The following CCT4 variants were observed in gnomAD, a reference collection of about 807,000 sequenced individuals.
CCT4 encodes the protein chaperonin containing TCP1 subunit 4.
CCT4 carries 17 observed loss-of-function variants against 62.5 expected under a neutral mutation model. The observed-to-expected ratio is 0.27, with a 90% CI of 0.19 to 0.41. The LOEUF is 0.41. Among genes scored for constraint, CCT4 ranks in the 10% least tolerant of loss-of-function variants. CCT4 has a pLI of 1.00. For missense variants in CCT4, 592 were observed against 659.2 expected (o/e 0.90, Z 1.12); for synonymous variants, 250 against 229.9 (o/e 1.09, Z -0.79).
chr2:61,876,798 T>C (rs1669010272), intron 7 of CCT4, 122 bp downstream of exon 7: 3 of 785,778 alleles, frequency 3.8e-6, no homozygotes, highest in Non-Finnish European at 1.9e-6. Context: ...TTGTCTCAAT[T>C]CTAGTAAGTC....
chr2:61,873,084 A>C lies in CCT4; in HGVS notation c.1043T>G (p.Ile348Ser), dbSNP rs1440991956. Residue 348 changes from isoleucine to serine, a missense_variant, in exon 10 of 14, where the codon ATT (isoleucine) becomes AGT (serine). By Grantham distance (142) the Ile-to-Ser change is moderately radical. This residue lies in a region of CCT4 where 522 missense variants were observed against 571.2 expected (regional missense o/e 0.91). Transcript: ENST00000394440. ...CAGCATGTCAGCAGTAAATTGGTCA[A>C]TATGAGCAACTGGCTTGGTTCCAAT... ...KTIGTKPVAH[I>S]DQFTADMLGS... is the part of the protein sequence containing the mutation. 4 of 1,611,902 alleles carry C rather than the reference A, an allele frequency of 2.5e-6. No homozygotes were observed. The highest frequency in any genetic ancestry group is 3.4e-6 in the Non-Finnish European group (4 of 1,177,880).
At chr2:61,883,969 G>A (rs1669179507) in intron 2 of CCT4, among the ~76,000 whole-genome samples, 2 of 151,918 alleles carry the variant, frequency 1.3e-5, no homozygotes, top group South Asian at 4.1e-4. Flanking sequence ...TTCCTTTTTT[G>A]TCCTACAAAA....
intron 7 of CCT4, 91 bp from the exon 8 acceptor site, chr2:61,876,325 A>G (rs1002790554): frequency 1.1e-6 from 1 of 919,922 alleles, no homozygotes; most frequent in African/African-American, 1.7e-5. Flanking sequence ...TGTTGTATAA[A>G]TTCAACCAAA....
chr2:61,884,807 T>C (rs528435502), intron 2 of CCT4, among the ~76,000 whole-genome samples: 1 of 152,202 alleles, frequency 6.6e-6, no homozygotes, highest in East Asian at 1.9e-4. Flanking sequence ...TTTGTATTTT[T>C]AGTAGACATA....
At chr2:61,874,667 ATCTATGGAC>A (rs1403174426) in intron 8 of CCT4, among the ~76,000 whole-genome samples, 1 of 152,128 alleles carries the variant, frequency 6.6e-6, no homozygotes, top group African/African-American at 2.4e-5. Context: ...AATTCTTTTC[ATCTATGGAC>A]TATGCAGAGC....
chr2:61,869,730 T>G (rs1187443184), intron 12 of CCT4, among the ~76,000 whole-genome samples, 177 bp from the exon 13 acceptor site: 1 of 152,102 alleles, frequency 6.6e-6, no homozygotes, highest in African/African-American at 2.4e-5. Flanking sequence ...TCAATTAAAA[T>G]TTGGAAAAAC....
chr2:61,870,945 A>G (rs1270241734), intron 12 of CCT4, among the ~76,000 whole-genome samples: 1 of 140,010 alleles, frequency 7.1e-6, no homozygotes, highest in East Asian at 2.1e-4. Context: ...ACAAACAAAC[A>G]AAAAACACTT....
At chr2:61,879,559 T>C (rs1471512953) in intron 4 of CCT4, among the ~76,000 whole-genome samples, 1 of 151,516 alleles carries the variant, frequency 6.6e-6, no homozygotes, top group African/African-American at 2.4e-5. Flanking sequence ...ATTACAAGTA[T>C]GAGTCACCGC....
At position 61,888,576 on chromosome 2, in the gene CCT4, G is replaced by C; in HGVS notation, c.-69C>G. On this transcript the variant is annotated 5_prime_UTR_variant, in exon 1 of 14. Coordinates refer to ENST00000394440, the MANE Select transcript of CCT4 (RefSeq NM_006430.4). ...GACCCGGATTCTGGCCGGCCGCAGTGTAATAACGGTAAGCCCTCACTGCCT... is the reference window on the plus strand; with the variant it reads ...GACCCGGATTCTGGCCGGCCGCAGTCTAATAACGGTAAGCCCTCACTGCCT... 2 of 1,550,796 alleles carry C rather than the reference G, an allele frequency of 1.3e-6. No homozygotes were observed. The highest frequency in any genetic ancestry group is 1.7e-6 in the Non-Finnish European group (2 of 1,146,664).
intron 3 of CCT4, among the ~76,000 whole-genome samples, chr2:61,882,905 T>C (rs1424232251): frequency 1.3e-5 from 2 of 151,762 alleles, no homozygotes; most frequent in Admixed American, 1.3e-4. Context: ...TGGGCTCAAA[T>C]AATCCTCCCA....
Position 61,883,779 on chromosome 2 carries a change from C to G in CCT4, c.181-231G>C, listed in dbSNP as rs2421440. On this transcript the variant is annotated intron_variant, in intron 2 of 13. Transcript: ENST00000394440. Reference sequence around the variant, plus strand: ...CTAAAAGTGAAGAAATGTAGACACACACACACACACACACACACACACACA... The same window carrying G: ...CTAAAAGTGAAGAAATGTAGACACAGACACACACACACACACACACACACA... Among the ~76,000 whole-genome samples, 659 of 83,852 alleles carry G rather than the reference C, an allele frequency of 7.9e-3. 8 individuals carry two copies. The highest frequency in any genetic ancestry group is 0.02 in the African/African-American group (417 of 20,746). The allele number at this position is 83,852 out of a possible 152,430, so 55.0% of individuals were successfully genotyped here. A position where few individuals can be genotyped will look rare whatever the true frequency, so the allele number is the denominator to read the frequency against.
At chr2:61,883,416 CAAAAA>C (rs57068738) in intron 3 of CCT4, 38 bp downstream of exon 3, 1,202 of 710,436 alleles carry the variant, frequency 1.7e-3, no homozygotes, top group Middle Eastern at 2.5e-3. Context: ...GACTCTGTCT[CAAAAA>C]AAAAAAAAAA....
intron 2 of CCT4, among the ~76,000 whole-genome samples, chr2:61,884,049 C>A (rs1170948686): frequency 6.6e-6 from 1 of 151,828 alleles, no homozygotes; most frequent in Non-Finnish European, 1.5e-5. Context: ...ATAGTATCAT[C>A]CAGATGATCC....
chr2:61,870,753 T>A (rs1490802959), intron 12 of CCT4, among the ~76,000 whole-genome samples: 5 of 151,958 alleles, frequency 3.3e-5, no homozygotes, highest in African/African-American at 1.2e-4. Flanking sequence ...ACACCATATC[T>A]ACTAAAAAAT....
At chr2:61,873,895 C>T (rs1213097911) in intron 8 of CCT4, among the ~76,000 whole-genome samples, 2 of 151,500 alleles carry the variant, frequency 1.3e-5, no homozygotes, top group African/African-American at 2.4e-5. Flanking sequence ...GAGACAGGGT[C>T]TCCCTATGTT....
At chr2:61,870,109 CT>C (rs1488696366) in intron 12 of CCT4, among the ~76,000 whole-genome samples, 4 of 151,282 alleles carry the variant, frequency 2.6e-5, no homozygotes. Flanking sequence ...AACCCTGTCT[CT>C]ACTAAAAATA....
intron 1 of CCT4, chr2:61,888,058 C>A: frequency 3.7e-6 from 1 of 272,196 alleles, no homozygotes; most frequent in East Asian, 6.7e-5. Flanking sequence ...AGCCCTCAAG[C>A]GTCAGATCCC....
At chr2:61,878,635 C>T (rs1012072408) in intron 5 of CCT4, among the ~76,000 whole-genome samples, 1 of 152,272 alleles carries the variant, frequency 6.6e-6, no homozygotes, top group South Asian at 2.1e-4. Flanking sequence ...AACACTGTTA[C>T]AATGCATTAA....
chr2:61,885,109 A>C (rs1377829915), intron 1 of CCT4, 37 bp from the exon 2 acceptor site: 1 of 1,467,584 alleles, frequency 6.8e-7, no homozygotes. Flanking sequence ...AACAAATTAG[A>C]ACTTTTTTTT....
Sources: gnomAD v4.1 joint callset for allele counts (sites outside exome capture counted in the v4.1 genomes callset) on GRCh38, gnomAD v4.1.1 for gene constraint, gnomAD v4.1.1 regional missense constraint, MANE v1.5 for transcripts, NCBI Gene and HGNC (gene_info 2026-07-23, HGNC 2026-07-21) for gene names.